Variants in GOLPH3L observed in about 807,000 individuals in gnomAD.
GOLPH3L encodes the protein golgi phosphoprotein 3 like.
A neutral mutation model predicts 30.3 loss-of-function variants in GOLPH3L; 22 were observed. The observed-to-expected ratio is 0.73, with a 90% CI of 0.52 to 1.04. GOLPH3L has a LOEUF of 1.04. Ranked by LOEUF, GOLPH3L falls within the 50% of genes least tolerant of loss-of-function variation. The probability of loss-of-function intolerance (pLI) is 0.00; values close to 1 mark genes in which losing one functional copy is unlikely to be tolerated. For synonymous variants in GOLPH3L, 120 were observed against 128.2 expected (o/e 0.94, Z 0.43); for missense variants, 303 against 345.8 (o/e 0.88, Z 0.98).
At chr1:150,664,224 G>A (rs750777302) in intron 2 of GOLPH3L, among the ~76,000 whole-genome samples, 6 of 151,856 alleles carry the variant, frequency 4.0e-5, no homozygotes, top group Non-Finnish European at 8.8e-5. Context: ...CGCTGGTCTC[G>A]AACTCCTGGC....
intron 4 of GOLPH3L, among the ~76,000 whole-genome samples, chr1:150,650,771 T>C (rs1373555159): frequency 6.6e-6 from 1 of 152,176 alleles, no homozygotes; most frequent in African/African-American, 2.4e-5. Context: ...AGCTGCAGTG[T>C]AGTATCCAGA....
chr1:150,697,034 T>C lies in GOLPH3L; in HGVS notation c.-55A>G, dbSNP rs1206638258. The C allele has an allele frequency of 6.6e-6, 1 of 152,122 alleles. No individual in the cohort carries two copies. Among genetic ancestry groups the C allele is most frequent in the Non-Finnish European group, 1.5e-5 (1 of 68,032 alleles). 9.4% of individuals were successfully genotyped at this position (152,122 alleles called of 1,614,324 possible). ...TTATGGCTGGACGCAGGCTGTAGCT[T>C]GTGCTGTATTTTAGAAGGACACCTG... On this transcript the variant is annotated 5_prime_UTR_variant, in exon 1 of 5. Coordinates refer to ENST00000271732, the MANE Select transcript of GOLPH3L (RefSeq NM_018178.6).
At chr1:150,664,947 A>G (rs1220358116) in intron 2 of GOLPH3L, among the ~76,000 whole-genome samples, 1 of 152,242 alleles carries the variant, frequency 6.6e-6, no homozygotes, top group Non-Finnish European at 1.5e-5. Flanking sequence ...TGCCTGGCAT[A>G]TAGCAGGCAC....
At chr1:150,676,191 C>T (rs997946412) in intron 2 of GOLPH3L, among the ~76,000 whole-genome samples, 5 of 152,076 alleles carry the variant, frequency 3.3e-5, no homozygotes, top group African/African-American at 1.2e-4. Flanking sequence ...CCAAGCTAGT[C>T]TCCAACTCCT....
intron 2 of GOLPH3L, among the ~76,000 whole-genome samples, chr1:150,686,685 A>G (rs1651093764): frequency 6.6e-6 from 1 of 152,224 alleles, no homozygotes; most frequent in African/African-American, 2.4e-5. Flanking sequence ...GCTGACAGCA[A>G]GTTTATAGGC....
At chr1:150,687,900 T>C (rs1002767687) in intron 2 of GOLPH3L, among the ~76,000 whole-genome samples, 4 of 152,344 alleles carry the variant, frequency 2.6e-5, no homozygotes, top group African/African-American at 7.2e-5. Context: ...GGTATATTCA[T>C]GTAATGAAAT....
intron 2 of GOLPH3L, among the ~76,000 whole-genome samples, chr1:150,665,067 TTA>T (rs1650465693): frequency 6.6e-6 from 1 of 152,138 alleles, no homozygotes; most frequent in Non-Finnish European, 1.5e-5. Context: ...TGAATACTTA[TTA>T]TATACTAGAT....
intron 2 of GOLPH3L, among the ~76,000 whole-genome samples, chr1:150,666,687 A>G (rs985619956): frequency 6.6e-6 from 1 of 152,120 alleles, no homozygotes; most frequent in Non-Finnish European, 1.5e-5. Context: ...AATTCAAACT[A>G]ACCCTGAGAT....
At position 150,648,338 on chromosome 1, in the gene GOLPH3L, C is replaced by T. The variant is rs751111015; in HGVS notation, c.841G>A (p.Ala281Thr). Residue 281 changes from alanine (A) to threonine (T), a missense_variant, in exon 5 of 5, where the codon GCC (alanine) becomes ACC (threonine). Ala to Thr is a moderately conservative substitution (Grantham distance 58). Transcript: ENST00000271732. Reference protein sequence around the residue: ...ATEMIWAVLAAFNKS With the variant: ...ATEMIWAVLATFNKS The stretch of plus-strand genomic sequence containing the variant: ...TGCCGGCTTTAAGATTTATTGAAGG[C>T]TGCCAGCACAGCCCAGATCATTTCT... 4 of 1,599,942 alleles carry T rather than the reference C, an allele frequency of 2.5e-6. No homozygotes were observed. The South Asian group carries it at 4.5e-5, about 18-fold the overall frequency.
At chr1:150,656,045 A>G (rs1178952818) in intron 4 of GOLPH3L, among the ~76,000 whole-genome samples, 1 of 152,214 alleles carries the variant, frequency 6.6e-6, no homozygotes, top group Admixed American at 6.5e-5. Flanking sequence ...CAGTCCAACA[A>G]TTTGCCAGAC....
At chr1:150,680,497 A>G (rs1387569307) in intron 2 of GOLPH3L, among the ~76,000 whole-genome samples, 2 of 152,130 alleles carry the variant, frequency 1.3e-5, no homozygotes, top group Non-Finnish European at 2.9e-5. Flanking sequence ...AAAGTCAAAG[A>G]TTACTAAGAA....
At chr1:150,687,531 T>C (rs374790439) in intron 2 of GOLPH3L, among the ~76,000 whole-genome samples, 3 of 151,744 alleles carry the variant, frequency 2.0e-5, no homozygotes, top group African/African-American at 4.8e-5. Context: ...GCCAAGATCG[T>C]GCCACTACAC....
At chr1:150,666,566 G>A (rs1476579046) in intron 2 of GOLPH3L, among the ~76,000 whole-genome samples, 1 of 152,014 alleles carries the variant, frequency 6.6e-6, no homozygotes, top group Non-Finnish European at 1.5e-5. Context: ...TTGAACTCCT[G>A]ACCTCAGGTG....
At chr1:150,693,095 A>G (rs968998823) in intron 2 of GOLPH3L, among the ~76,000 whole-genome samples, 1 of 152,208 alleles carries the variant, frequency 6.6e-6, no homozygotes, top group Non-Finnish European at 1.5e-5. Flanking sequence ...AAACAGGAAA[A>G]TATATTTCCG....
chr1:150,680,313 TC>T (rs1309938385), intron 2 of GOLPH3L, among the ~76,000 whole-genome samples: 1 of 152,172 alleles, frequency 6.6e-6, no homozygotes. Flanking sequence ...TCATCTAAAA[TC>T]CCTAGAAGCC....
rs147264248 is a variant in GOLPH3L at position 150,691,819 on chromosome 1, G to C, written c.183+2837C>G. On this transcript the variant is annotated intron_variant, in intron 2 of 4. Transcript: ENST00000271732. ...TTTGGCTTTTTTTATTGAACATAAT[G>C]TGAGAAATATACATGTTGTATAACA... 4.2e-3 allele frequency among the ~76,000 whole-genome samples: 635 copies of C among 151,650 alleles called. 8 individuals carry two copies. Among genetic ancestry groups the C allele is most frequent in the African/African-American group, 0.015 (602 of 41,336 alleles).
chr1:150,651,642 CAAAAAA>C (rs59940841), intron 4 of GOLPH3L, among the ~76,000 whole-genome samples: 7 of 60,828 alleles, frequency 1.2e-4, no homozygotes, highest in South Asian at 5.7e-4. Context: ...GAGCGAAACT[CAAAAAA>C]AAAAAAAAAA....
chr1:150,661,868 T>A lies in GOLPH3L; in HGVS notation c.376A>T (p.Ile126Phe). 1.9e-6 allele frequency: 3 copies of A among 1,602,282 alleles called. No individual in the cohort carries two copies. The highest frequency in any genetic ancestry group is 2.6e-6 in the Non-Finnish European group (3 of 1,169,186). The change falls in exon 4 of 5, where the codon ATC (isoleucine) becomes TTC (phenylalanine). Residue 126 changes from isoleucine (I) to phenylalanine (F), a missense_variant. By Grantham distance (21) the Ile-to-Phe change is conservative (BLOSUM62 0). Transcript: ENST00000271732. ...GTTTCTGTGGGTTCAGTTGCTTTGA[T>A]GTGTTTCAGAGTTTCATCCAGTAAA... ...DVLLDETLKH[I>F]KATEPTETVQ...
chr1:150,681,042 A>T (rs1027306451), intron 2 of GOLPH3L, among the ~76,000 whole-genome samples: 2 of 152,178 alleles, frequency 1.3e-5, no homozygotes, highest in African/African-American at 4.8e-5. Context: ...CGGGAGGCTG[A>T]GGCAGGAGAA....
Sources: gnomAD v4.1 joint callset for allele counts (sites outside exome capture counted in the v4.1 genomes callset) on GRCh38, gnomAD v4.1.1 for gene constraint, MANE v1.5 for transcripts, NCBI Gene and HGNC (gene_info 2026-07-23, HGNC 2026-07-21) for gene names.